Variants in KAT6B observed in about 807,000 individuals in gnomAD.
The protein encoded by KAT6B is lysine acetyltransferase 6B, also known as histone acetyltransferase KAT6B.
Under a neutral mutation model 187.5 loss-of-function variants are expected in KAT6B, and 10 were observed. The ratio of observed to expected loss-of-function variants is 0.05; its 90% CI spans 0.03 to 0.09. KAT6B has a LOEUF of 0.09. Among genes scored for constraint, KAT6B ranks in the 10% least tolerant of loss-of-function variants. KAT6B has a pLI of 1.00. For synonymous variants in KAT6B, 861 were observed against 926.8 expected (o/e 0.93, Z 1.29); for missense variants, 1,952 against 2,558.9 (o/e 0.76, Z 5.12).
intron 3 of KAT6B, among the ~76,000 whole-genome samples, chr10:74,945,117 T>G (rs1434778226): frequency 6.6e-6 from 1 of 152,176 alleles, no homozygotes; most frequent in Non-Finnish European, 1.5e-5. Flanking sequence ...TGTAAAGAAC[T>G]CAGATGTCTG....
intron 2 of KAT6B, among the ~76,000 whole-genome samples, chr10:74,840,843 C>T (rs1274166727): frequency 6.6e-6 from 1 of 152,130 alleles, no homozygotes; most frequent in Non-Finnish European, 1.5e-5. Context: ...AGTTCAATGA[C>T]CCAGCTGTTT....
At chr10:74,901,410 T>G (rs1174971063) in intron 3 of KAT6B, among the ~76,000 whole-genome samples, 1 of 152,248 alleles carries the variant, frequency 6.6e-6, no homozygotes, top group African/African-American at 2.4e-5. Flanking sequence ...AGCATTGATA[T>G]TCCTGTAACC....
chr10:75,022,706 A>G (rs1395487326), intron 16 of KAT6B, among the ~76,000 whole-genome samples: 1 of 152,182 alleles, frequency 6.6e-6, no homozygotes, highest in East Asian at 1.9e-4. Context: ...CAAGGTGGGC[A>G]GATCACCTGA....
At chr10:74,863,347 G>A (rs1564528258) in intron 3 of KAT6B, among the ~76,000 whole-genome samples, 1 of 152,134 alleles carries the variant, frequency 6.6e-6, no homozygotes, top group East Asian at 1.9e-4. Flanking sequence ...CTAAATAGCT[G>A]CATAGTATTT....
rs375517616 is a variant in KAT6B at position 74,985,112 on chromosome 10, A to G, written c.2406A>G (p.Gln802=). ...VDGNMSKIYC[Q]NLCLLAKLFL... ...GGAATATGAGCAAAATTTATTGCCA[A>G]AACCTTTGCTTGTTAGCCAAGCTCT... The change falls in exon 12 of 18, where the codon CAA becomes CAG. Residue 802 remains glutamine (Q), a synonymous_variant. Transcript: ENST00000287239. 3 of 1,614,042 alleles carry G rather than the reference A, an allele frequency of 1.9e-6. No individual in the cohort carries two copies. The highest frequency in any genetic ancestry group is 1.7e-5 in the Admixed American group (1 of 60,006).
intron 3 of KAT6B, among the ~76,000 whole-genome samples, chr10:74,895,020 T>C (rs1243999539): frequency 1.3e-5 from 2 of 151,910 alleles, no homozygotes; most frequent in African/African-American, 2.4e-5. Flanking sequence ...CCACCAGCAG[T>C]GCACAGAGAT....
intron 3 of KAT6B, among the ~76,000 whole-genome samples, chr10:74,860,760 G>A (rs149402965): frequency 0.11 from 16,768 of 152,250 alleles, 2,142 homozygotes; most frequent in African/African-American, 0.31. Context: ...CACTTTGGGA[G>A]GCCAAGGCAG....
intron 13 of KAT6B, among the ~76,000 whole-genome samples, chr10:74,995,255 T>G (rs1843353889): frequency 1.3e-5 from 2 of 152,262 alleles, no homozygotes; most frequent in South Asian, 4.1e-4. Context: ...GTCAAAACAC[T>G]GTGTTTAAAT....
chr10:74,829,457 T>A (rs377082486), intron 1 of KAT6B, among the ~76,000 whole-genome samples: 3 of 135,554 alleles, frequency 2.2e-5, no homozygotes, highest in Admixed American at 7.2e-5. Flanking sequence ...AAGGAAATAG[T>A]TTTTTTTTTT....
At chr10:74,996,442 A>T (rs1377143308) in intron 13 of KAT6B, among the ~76,000 whole-genome samples, 1 of 152,228 alleles carries the variant, frequency 6.6e-6, no homozygotes, top group African/African-American at 2.4e-5. Flanking sequence ...TAAAGACTTG[A>T]TTACCAAAAA....
intron 13 of KAT6B, among the ~76,000 whole-genome samples, chr10:75,010,201 G>A (rs1844500443): frequency 6.6e-6 from 1 of 152,208 alleles, no homozygotes. Flanking sequence ...ACGTTTCAAA[G>A]CATTTGGGAG....
At chr10:74,872,640 G>A (rs1844078335) in intron 3 of KAT6B, among the ~76,000 whole-genome samples, 1 of 151,840 alleles carries the variant, frequency 6.6e-6, no homozygotes, top group South Asian at 2.1e-4. Flanking sequence ...AGGCTCCTGA[G>A]TAGCTGGGAC....
chr10:74,871,106 TC>T (rs1843915930), intron 3 of KAT6B, among the ~76,000 whole-genome samples: 1 of 138,364 alleles, frequency 7.2e-6, no homozygotes, highest in Non-Finnish European at 1.5e-5. Flanking sequence ...GGTCTCAAAC[TC>T]CTGACCTCAC....
intron 3 of KAT6B, among the ~76,000 whole-genome samples, chr10:74,895,106 A>C (rs1845899365): frequency 1.3e-5 from 2 of 149,608 alleles, no homozygotes; most frequent in African/African-American, 4.9e-5. Context: ...GTGATATTTC[A>C]TTATGGTTTT....
At chr10:75,000,970 G>A (rs1236030897) in intron 13 of KAT6B, among the ~76,000 whole-genome samples, 2 of 152,038 alleles carry the variant, frequency 1.3e-5, no homozygotes, top group Non-Finnish European at 2.9e-5. Context: ...GTGCCTCCAG[G>A]TTATGAATTT....
At chr10:74,934,183 C>T (rs1849072546) in intron 3 of KAT6B, among the ~76,000 whole-genome samples, 1 of 113,048 alleles carries the variant, frequency 8.8e-6, no homozygotes, top group African/African-American at 4.5e-5. Context: ...AAGACTCCGT[C>T]TCCAAAAAAA....
chr10:74,967,274 G>A (rs866775815), intron 4 of KAT6B, among the ~76,000 whole-genome samples: 2 of 151,382 alleles, frequency 1.3e-5, no homozygotes, highest in South Asian at 2.1e-4. Context: ...AGCTTGCAGT[G>A]AGCCAAGATG....
intron 16 of KAT6B, 129 bp downstream of exon 16, chr10:75,022,360 G>A (rs182076770): frequency 1.1e-5 from 11 of 1,008,846 alleles, no homozygotes; most frequent in East Asian, 9.6e-5. Context: ...ACCCAGTCCC[G>A]CTGATCATAT....
chr10:74,984,907 C>T (rs1564606091), intron 11 of KAT6B, 173 bp from the exon 12 acceptor site: 1 of 639,752 alleles, frequency 1.6e-6, no homozygotes, highest in Non-Finnish European at 2.7e-6. Context: ...TCTGATTTGC[C>T]AGTGACAGCT....
Sources: allele counts gnomAD v4.1 joint callset (sites outside exome capture counted in the v4.1 genomes callset), GRCh38; gene constraint gnomAD v4.1.1; transcripts MANE v1.5; gene names NCBI Gene and HGNC (gene_info 2026-07-23, HGNC 2026-07-21).